ERI1: variants seen among roughly 807,000 people sequenced by gnomAD.
ERI1 encodes 3'-5' exoribonuclease 1.
Under a neutral mutation model 39.7 loss-of-function variants are expected in ERI1, and 39 were observed. That is an observed-to-expected ratio of 0.98 (90% CI 0.76 to 1.28). The LOEUF (loss-of-function observed/expected upper bound fraction) is 1.28. ERI1 is among the 50% of genes most tolerant of loss of function. The pLI, the probability that ERI1 is intolerant of heterozygous loss-of-function variation, is 0.00. For synonymous variants in ERI1, 204 were observed against 149.6 expected, an observed-to-expected ratio of 1.36 and a Z score of -2.65; for missense variants, 581 against 416.9, an observed-to-expected ratio of 1.39 and a Z score of -3.43.
intron 3 of ERI1, among the ~76,000 whole-genome samples, chr8:9,077,554 A>T (rs369481415): frequency 6.6e-6 from 1 of 152,114 alleles, no homozygotes; most frequent in Non-Finnish European, 1.5e-5. Flanking sequence ...TGGTGATGAG[A>T]TGTGGGAGAC....
At chr8:9,013,013 CA>C (rs1273108359) in intron 3 of ERI1, among the ~76,000 whole-genome samples, 2 of 141,022 alleles carry the variant, frequency 1.4e-5, no homozygotes, top group South Asian at 4.4e-4. Flanking sequence ...CAAAATTGAC[CA>C]TTCTCACTTT....
intron 3 of ERI1, among the ~76,000 whole-genome samples, chr8:9,061,531 G>A (rs1449445022): frequency 2.0e-5 from 3 of 152,198 alleles, no homozygotes; most frequent in Non-Finnish European, 4.4e-5. Flanking sequence ...GCCGCTGCAC[G>A]CAGACATGAG....
At chr8:9,094,126 G>A (rs180954189) in intron 3 of ERI1, among the ~76,000 whole-genome samples, 367 of 152,250 alleles carry the variant, frequency 2.4e-3, no homozygotes, top group African/African-American at 8.4e-3. Flanking sequence ...AAGCTTTGCT[G>A]GAGAATATTA....
chr8:9,067,894 C>T (rs546367657), intron 3 of ERI1, among the ~76,000 whole-genome samples: 1 of 151,846 alleles, frequency 6.6e-6, no homozygotes, highest in East Asian at 1.9e-4. Flanking sequence ...TTTTGCCATA[C>T]ATATGAGCAC....
chr8:9,066,246 G>A (rs181860408), intron 3 of ERI1, among the ~76,000 whole-genome samples: 1 of 152,186 alleles, frequency 6.6e-6, no homozygotes, highest in Admixed American at 6.5e-5. Flanking sequence ...GTTCCCACTA[G>A]CAGGGGCATC....
intron 1 of ERI1, among the ~76,000 whole-genome samples, chr8:9,005,996 A>C (rs181316438): frequency 3.1e-4 from 47 of 152,354 alleles, no homozygotes; most frequent in African/African-American, 9.9e-4. Context: ...TGTGGAATCT[A>C]TCACTTTTCT....
At chr8:9,068,130 C>T (rs150812237) in intron 3 of ERI1, among the ~76,000 whole-genome samples, 279 of 152,164 alleles carry the variant, frequency 1.8e-3, no homozygotes, top group African/African-American at 6.4e-3. Flanking sequence ...TTCTCCTTAG[C>T]CCTTAATTAA....
intron 6 of ERI1, among the ~76,000 whole-genome samples, chr8:9,027,010 T>G (rs527362290): frequency 6.6e-6 from 1 of 152,292 alleles, no homozygotes; most frequent in Admixed American, 6.5e-5. Context: ...ATGTGCTAAT[T>G]CTATGTTTAA....
At chr8:9,060,660 C>T (rs1798663101) in intron 3 of ERI1, among the ~76,000 whole-genome samples, 1 of 152,152 alleles carries the variant, frequency 6.6e-6, no homozygotes. Flanking sequence ...GTCTAAGAAC[C>T]ATTTGCCTTG....
rs537481385 is a variant in ERI1, at chr8:9,018,789, C to T, written c.692+383C>T. On this transcript the variant is annotated intron_variant, in intron 5 of 6. Transcript: ENST00000250263. ...CATTAATCCTCTTTAGTCAGACTGGCCCAGGAATTCACATGGTTTACCCTT... is the reference window on the plus strand; with the variant it reads ...CATTAATCCTCTTTAGTCAGACTGGTCCAGGAATTCACATGGTTTACCCTT... 2.2e-4 allele frequency among the ~76,000 whole-genome samples: 33 copies of T among 151,576 alleles called. No individual in the cohort carries two copies. The East Asian group carries it at 6.2e-3, about 28-fold the overall frequency.
intron 6 of ERI1, among the ~76,000 whole-genome samples, chr8:9,025,231 G>T (rs1324788278): frequency 1.3e-5 from 2 of 152,178 alleles, no homozygotes; most frequent in Non-Finnish European, 2.9e-5. Flanking sequence ...GTGGCACTCA[G>T]ACTTGAGACT....
At chr8:9,071,771 A>T (rs1221203174) in intron 3 of ERI1, among the ~76,000 whole-genome samples, 2 of 152,208 alleles carry the variant, frequency 1.3e-5, no homozygotes, top group Non-Finnish European at 2.9e-5. Context: ...TTGGAAATAG[A>T]ATGACAGAGA....
In ERI1 at chr8:9,067,669, A is replaced by AG. The variant is rs1798923969; in HGVS notation, n.299+47205_299+47206insG. ...GAACCTTTCTAAAAAAAAAAAAAAA[A>AG]AGGTGACAAGACCTTCCATAACATG... On this transcript the variant is annotated intron_variant and non_coding_transcript_variant, in intron 3 of 3. Coordinates refer to the ERI1 transcript ENST00000518663. Among the ~76,000 whole-genome samples, 4 of 151,758 alleles carry AG rather than the reference A, an allele frequency of 2.6e-5. No homozygotes were observed. The South Asian group carries it at 8.3e-4, about 32-fold the overall frequency.
chr8:9,006,520 C>T (rs1326341999), intron 1 of ERI1, among the ~76,000 whole-genome samples: 1 of 152,046 alleles, frequency 6.6e-6, no homozygotes, highest in Non-Finnish European at 1.5e-5. Flanking sequence ...AAATTTTAAC[C>T]TGAAATTTAC....
rs771579098 is a variant in ERI1 at position 9,018,380 on chromosome 8, G to T, written c.666G>T (p.Lys222Asn). The T allele has an allele frequency of 2.5e-6, 4 of 1,597,074 alleles. No individual in the cohort carries two copies. Among genetic ancestry groups the T allele is most frequent in the Non-Finnish European group, 3.4e-6 (4 of 1,165,256 alleles). ...DWMKLKELGT[K>N]YKYSLLTDGS... ...TGAAATTGAAGGAATTAGGAACAAA[G>T]TATAAATACTCACTTTTAACAGATG... The change falls in exon 5 of 7, where the codon AAG becomes AAT. Residue 222 changes from lysine (K) to asparagine (N), a missense_variant. By Grantham distance (94) the Lys-to-Asn change is moderately conservative. Coordinates refer to ENST00000250263, the MANE Select transcript of ERI1 (RefSeq NM_153332.4).
downstream of ERI1, among the ~76,000 whole-genome samples, chr8:9,036,189 C>T (rs180678784): frequency 7.2e-5 from 11 of 152,292 alleles, no homozygotes; most frequent in East Asian, 2.1e-3. Flanking sequence ...AAACCAGTGG[C>T]GTGGTTTGAG....
intron 3 of ERI1, among the ~76,000 whole-genome samples, chr8:9,040,288 A>G (rs1158364620): frequency 1.3e-5 from 2 of 152,236 alleles, no homozygotes; most frequent in Non-Finnish European, 2.9e-5. Context: ...CAAGTCCCCA[A>G]ACATCCCCAT....
intron 3 of ERI1, among the ~76,000 whole-genome samples, chr8:9,061,951 T>C (rs924306371): frequency 6.6e-6 from 1 of 151,870 alleles, no homozygotes; most frequent in Non-Finnish European, 1.5e-5. Context: ...TAATGGATTG[T>C]GGAGGGAGGC....
intron 3 of ERI1, among the ~76,000 whole-genome samples, chr8:9,065,564 G>A (rs1177280272): frequency 6.6e-6 from 1 of 151,788 alleles, no homozygotes; most frequent in African/African-American, 2.4e-5. Flanking sequence ...GCGTAGTGGG[G>A]GGCGCCTGTA....
Sources: allele counts gnomAD v4.1 joint callset (sites outside exome capture counted in the v4.1 genomes callset), GRCh38; gene constraint gnomAD v4.1.1; transcripts MANE v1.5; gene names NCBI Gene and HGNC (gene_info 2026-07-23, HGNC 2026-07-21).